Variants in RGS8 observed in about 807,000 individuals in gnomAD.
RGS8 encodes the protein regulator of G-protein signaling 8.
RGS8 carries 8 observed loss-of-function variants against 21.7 expected under a neutral mutation model. That is an observed-to-expected ratio of 0.37 (90% CI 0.22 to 0.66). The LOEUF (loss-of-function observed/expected upper bound fraction) is 0.66. Ranked by LOEUF, RGS8 falls within the 30% of genes least tolerant of loss-of-function variation. The pLI, the probability that RGS8 is intolerant of heterozygous loss-of-function variation, is 0.59. For missense variants in RGS8, 157 were observed against 217.9 expected (o/e 0.72, Z 1.76); for synonymous variants, 80 against 83.6 (o/e 0.96, Z 0.24).
upstream of RGS8, among the ~76,000 whole-genome samples, chr1:182,686,630 T>G (rs1196883462): frequency 6.6e-6 from 1 of 152,186 alleles, no homozygotes; most frequent in Non-Finnish European, 1.5e-5. Flanking sequence ...AAGCAGACTT[T>G]GACCTGCAAA....
At chr1:182,653,371 G>C (rs925799939) in intron 5 of RGS8, among the ~76,000 whole-genome samples, 1 of 151,176 alleles carries the variant, frequency 6.6e-6, no homozygotes, top group Non-Finnish European at 1.5e-5. Flanking sequence ...AACATGAAGC[G>C]AGGAAAGAGA....
upstream of RGS8, chr1:182,672,397 A>G (rs778834375): frequency 1.5e-5 from 4 of 262,974 alleles, no homozygotes; most frequent in Non-Finnish European, 2.9e-5. Context: ...TCACACATCT[A>G]AATTCCACCC....
chr1:182,703,459 T>C, the RGS8 span, among the ~76,000 whole-genome samples: 1 of 152,224 alleles, frequency 6.6e-6, no homozygotes, highest in African/African-American at 2.4e-5. Flanking sequence ...TACATTTGCA[T>C]AGACCTCGGC....
chr1:182,747,026 G>A, the RGS8 span, among the ~76,000 whole-genome samples: 7 of 122,012 alleles, frequency 5.7e-5, no homozygotes, highest in East Asian at 7.7e-4. Flanking sequence ...CTACAGGCAC[G>A]TGTCAACACT....
chr1:182,709,522 G>A, the RGS8 span, among the ~76,000 whole-genome samples: 5 of 152,292 alleles, frequency 3.3e-5, no homozygotes, highest in African/African-American at 1.2e-4. Flanking sequence ...CTCAGGGACT[G>A]AGTTTATTTA....
chr1:182,669,865 A>T, intron 2 of RGS8, 113 bp from the exon 4 acceptor site: 1 of 1,215,370 alleles, frequency 8.2e-7, no homozygotes, highest in Non-Finnish European at 1.1e-6. Flanking sequence ...ACATCCCCCC[A>T]GCCCCACAAA....
At chr1:182,662,301 C>A (rs527254612) in intron 5 of RGS8, among the ~76,000 whole-genome samples, 1 of 152,268 alleles carries the variant, frequency 6.6e-6, no homozygotes, top group Admixed American at 6.5e-5. Context: ...TTTTACATAA[C>A]CCTGCAGGCA....
the RGS8 span, among the ~76,000 whole-genome samples, chr1:182,692,895 G>T: frequency 1.3e-5 from 2 of 152,128 alleles, no homozygotes; most frequent in Non-Finnish European, 2.9e-5. Context: ...TCCCTATTCA[G>T]TAAATGCTGC....
At chr1:182,716,015 T>A in the RGS8 span, among the ~76,000 whole-genome samples, 1 of 152,168 alleles carries the variant, frequency 6.6e-6, no homozygotes, top group African/African-American at 2.4e-5. Flanking sequence ...TGGCATCGTA[T>A]TTGCATATAA....
At chr1:182,686,046 T>TCC (rs1664693824), upstream of RGS8, among the ~76,000 whole-genome samples, 1 of 152,014 alleles carries the variant, frequency 6.6e-6, no homozygotes. Flanking sequence ...AGAGGAGGCG[T>TCC]CCTCTGGACA....
chr1:182,741,689 A>G, the RGS8 span, among the ~76,000 whole-genome samples: 1 of 106,846 alleles, frequency 9.4e-6, no homozygotes, highest in Non-Finnish European at 2.1e-5. Context: ...CTCACTTCCC[A>G]GTAGGGGCGG....
exon 7 of RGS8, chr1:182,646,586 T>A: frequency 1.5e-6 from 1 of 685,666 alleles, no homozygotes; most frequent in Non-Finnish European, 2.5e-6. Context: ...GGGTCATACT[T>A]TGGAATGGCC....
chr1:182,667,046 T>G (rs1452568808), intron 3 of RGS8, 73 bp from the exon 5 acceptor site: 1 of 1,211,238 alleles, frequency 8.3e-7, no homozygotes, highest in Non-Finnish European at 1.2e-6. Flanking sequence ...ACAGGGCCCC[T>G]GGAGCTGCTG....
chr1:182,684,449 T>A lies in RGS8; in HGVS notation n.128A>T, dbSNP rs888289165. The A allele has an allele frequency of 1.3e-5, 2 of 152,268 alleles. No homozygotes were observed. The highest frequency in any genetic ancestry group is 4.8e-5 in the African/African-American group (2 of 41,428). 9.4% of individuals were successfully genotyped at this position (152,268 alleles called of 1,614,324 possible). On this transcript the variant is annotated non_coding_transcript_exon_variant, in exon 1 of 5. Coordinates refer to the RGS8 transcript ENST00000515211. This position sits in a 1 kb window ranked among gnomAD's most constrained non-coding sequence, Gnocchi z 4.2. Reference sequence around the variant, plus strand: ...GCCCTGAGTGATAGAGTCAGCCACCTCCTCCTGGCACCTGGGAGAGGGTGG... The same window carrying A: ...GCCCTGAGTGATAGAGTCAGCCACCACCTCCTGGCACCTGGGAGAGGGTGG...
upstream of RGS8, among the ~76,000 whole-genome samples, chr1:182,672,491 G>T (rs1214802007): frequency 6.6e-6 from 1 of 151,970 alleles, no homozygotes; most frequent in Admixed American, 6.6e-5. Flanking sequence ...CATCTCAGCT[G>T]TGCCCCTTAC....
At chr1:182,690,803 C>T in the RGS8 span, among the ~76,000 whole-genome samples, 2 of 152,218 alleles carry the variant, frequency 1.3e-5, no homozygotes, top group Non-Finnish European at 2.9e-5. Flanking sequence ...CTATCCATTA[C>T]ACGGTACTCT....
At chr1:182,747,197 GCCCT>G in the RGS8 span, among the ~76,000 whole-genome samples, 3 of 151,256 alleles carry the variant, frequency 2.0e-5, no homozygotes, top group South Asian at 6.3e-4. Context: ...ACCATTCCTG[GCCCT>G]GCATCTTCTA....
chr1:182,722,698 C>T, the RGS8 span, among the ~76,000 whole-genome samples: 1 of 152,176 alleles, frequency 6.6e-6, no homozygotes, highest in South Asian at 2.1e-4. Flanking sequence ...CCAGTCAGGC[C>T]GGGCGTGGTG....
chr1:182,741,096 G>T, the RGS8 span, among the ~76,000 whole-genome samples: 5 of 150,832 alleles, frequency 3.3e-5, no homozygotes, highest in African/African-American at 1.2e-4. Context: ...GGTGGTGGCC[G>T]GGCAGAGGGG....
Sources: gnomAD v4.1 joint callset for allele counts (sites outside exome capture counted in the v4.1 genomes callset) on GRCh38, gnomAD v4.1.1 for gene constraint, Gnocchi (gnomAD v3.1) non-coding constraint, MANE v1.5 for transcripts, NCBI Gene and HGNC (gene_info 2026-07-23, HGNC 2026-07-21) for gene names.